The following SYNPO2 variants were observed in gnomAD, a reference collection of about 807,000 sequenced individuals.
The protein encoded by SYNPO2 is synaptopodin 2.
In SYNPO2, 56 loss-of-function variants were observed where a neutral mutation model predicts 85.0. The ratio of observed to expected loss-of-function variants is 0.66; its 90% CI spans 0.53 to 0.82. The LOEUF is 0.82. Among genes scored for constraint, SYNPO2 ranks in the 40% least tolerant of loss-of-function variants. The probability of loss-of-function intolerance (pLI) is 0.00; values close to 1 mark genes in which losing one functional copy is unlikely to be tolerated. For missense variants in SYNPO2, 1,575 were observed against 1,534.2 expected (o/e 1.03, Z -0.44); for synonymous variants, 602 against 591.1 (o/e 1.02, Z -0.27).
chr4:118,964,430 C>T (rs1735229547), intron 1 of SYNPO2, among the ~76,000 whole-genome samples: 1 of 151,532 alleles, frequency 6.6e-6, no homozygotes, highest in African/African-American at 2.4e-5. Context: ...GTAGAGGCTG[C>T]AGTGAGCTGA....
chr4:118,977,572 C>A (rs1254729489), intron 1 of SYNPO2, among the ~76,000 whole-genome samples: 2 of 152,206 alleles, frequency 1.3e-5, no homozygotes, highest in African/African-American at 4.8e-5. Context: ...CGAGAGCAAG[C>A]GAGGGCTCTG....
chr4:118,916,005 ATTGT>A (rs950310373), intron 1 of SYNPO2, among the ~76,000 whole-genome samples: 2 of 152,032 alleles, frequency 1.3e-5, no homozygotes, highest in African/African-American at 4.8e-5. Context: ...TTTACATTAA[ATTGT>A]TTGTGTTATT....
At chr4:118,871,484 A>C (rs1011339918) in intron 1 of SYNPO2, among the ~76,000 whole-genome samples, 1 of 152,046 alleles carries the variant, frequency 6.6e-6, no homozygotes. Context: ...ACCTACCGGA[A>C]TATGTGCTTG....
At chr4:119,033,986 A>G in intron 4 of SYNPO2, 1 of 985,408 alleles carries the variant, frequency 1.0e-6, no homozygotes, top group Non-Finnish European at 1.2e-6. Context: ...TTTTGGTGGA[A>G]ATTTACCTAG....
chr4:118,852,208 G>A (rs114584210), intron 1 of SYNPO2, among the ~76,000 whole-genome samples: 6,267 of 152,200 alleles, frequency 0.041, 199 homozygotes, highest in Non-Finnish European at 0.064. Context: ...TGTTGTTAAA[G>A]AGAAAAAATA....
Position 119,031,295 on chromosome 4 carries a change from C to T in SYNPO2, c.2520C>T (p.Tyr840=), listed in dbSNP as rs1206716103. Residue 840 remains tyrosine (Y), a synonymous_variant, in exon 4 of 5, where the codon TAC becomes TAT. Coordinates refer to ENST00000307142, the MANE Select transcript of SYNPO2 (RefSeq NM_133477.3). ...GPQAAVASQN[Y]TPKPTVSTPT... is the part of the protein sequence containing the mutation. ...AAGCAGCAGTAGCCAGTCAGAATTA[C>T]ACACCCAAACCAACAGTTTCCACAC... 3.1e-6 allele frequency: 5 copies of T among 1,614,194 alleles called. No homozygotes were observed. The highest frequency in any genetic ancestry group is 4.5e-5 in the East Asian group (2 of 44,882).
chr4:118,920,884 CTTTTCT>C (rs1479538000), intron 1 of SYNPO2, among the ~76,000 whole-genome samples: 1 of 151,250 alleles, frequency 6.6e-6, no homozygotes, highest in Non-Finnish European at 1.5e-5. Context: ...CACCTGATTT[CTTTTCT>C]TTTTTCCTTT....
chr4:119,006,183 T>C (rs1372159269), intron 1 of SYNPO2: 1 of 152,846 alleles, frequency 6.5e-6, no homozygotes, highest in African/African-American at 2.4e-5. Flanking sequence ...AACCCTGGCT[T>C]TTCTTATACT....
chr4:118,994,717 A>G (rs1736526646), intron 1 of SYNPO2, among the ~76,000 whole-genome samples: 1 of 152,254 alleles, frequency 6.6e-6, no homozygotes, highest in Non-Finnish European at 1.5e-5. Flanking sequence ...AGCTTGGTAG[A>G]AAGTGGCATG....
In SYNPO2 at chr4:119,027,350, C is replaced by G. The variant is rs752857203; in HGVS notation, c.981C>G (p.Ala327=). 2.5e-6 allele frequency: 4 copies of G among 1,613,802 alleles called. No individual in the cohort carries two copies. Among genetic ancestry groups the G allele is most frequent in the Non-Finnish European group, 3.4e-6 (4 of 1,180,024 alleles). ...CACCTCCTTCTCTGGTATCCTTTGC[C>G]GTCTCATCAGAAGGCACAGAGCAGG... ...SEAPPSLVSF[A]VSSEGTEQGE... The change falls in exon 3 of 5, where the codon GCC becomes GCG. Residue 327 remains alanine, a synonymous_variant. Coordinates refer to ENST00000307142, the MANE Select transcript of SYNPO2 (RefSeq NM_133477.3).
At chr4:118,928,196 C>A (rs1199954780) in intron 1 of SYNPO2, among the ~76,000 whole-genome samples, 3 of 152,132 alleles carry the variant, frequency 2.0e-5, no homozygotes, top group Non-Finnish European at 2.9e-5. Context: ...TCACATGTTG[C>A]CCTTTAAGAA....
intron 1 of SYNPO2, among the ~76,000 whole-genome samples, chr4:118,915,813 T>C (rs1291228709): frequency 6.6e-6 from 1 of 152,216 alleles, no homozygotes; most frequent in East Asian, 1.9e-4. Context: ...AAAGGCATCC[T>C]GCGGCTCTAC....
chr4:118,875,774 A>G (rs766749192), intron 1 of SYNPO2, among the ~76,000 whole-genome samples: 1 of 152,178 alleles, frequency 6.6e-6, no homozygotes, highest in South Asian at 2.1e-4. Context: ...GCATCTTACA[A>G]TGTGTTGGTG....
intron 1 of SYNPO2, among the ~76,000 whole-genome samples, chr4:118,990,936 T>G (rs1179023192): frequency 6.6e-6 from 1 of 151,890 alleles, no homozygotes; most frequent in Non-Finnish European, 1.5e-5. Flanking sequence ...AACCCTCAAA[T>G]GCATTCAGGG....
At chr4:119,033,515 T>G (rs2279505) in intron 4 of SYNPO2, 3 of 985,308 alleles carry the variant, frequency 3.0e-6, no homozygotes, top group Non-Finnish European at 3.6e-6. Context: ...CATGAATTAA[T>G]GTAGAGAACT....
chr4:119,040,547 TAAC>T (rs1738676385), intron 4 of SYNPO2, among the ~76,000 whole-genome samples: 2 of 152,230 alleles, frequency 1.3e-5, no homozygotes, highest in Admixed American at 1.3e-4. Flanking sequence ...TTTTATAAAA[TAAC>T]ATCAGCTTTG....
chr4:118,895,733 C>T (rs1337106761), intron 1 of SYNPO2, among the ~76,000 whole-genome samples: 7 of 152,134 alleles, frequency 4.6e-5, no homozygotes, highest in African/African-American at 1.7e-4. Context: ...CCTTGCCTTG[C>T]CAAATGGGGA....
At chr4:118,851,413 G>C (rs557156591) in intron 1 of SYNPO2, among the ~76,000 whole-genome samples, 4 of 152,174 alleles carry the variant, frequency 2.6e-5, no homozygotes, top group African/African-American at 7.2e-5. Flanking sequence ...CTTGAACCTG[G>C]GAGGCAGAGG....
At chr4:118,898,887 G>C (rs921105005) in intron 1 of SYNPO2, among the ~76,000 whole-genome samples, 3 of 152,172 alleles carry the variant, frequency 2.0e-5, no homozygotes, top group African/African-American at 7.2e-5. Flanking sequence ...CTTCATCCCT[G>C]CTGTGTCCTT....
Sources: allele counts gnomAD v4.1 joint callset (sites outside exome capture counted in the v4.1 genomes callset), GRCh38; gene constraint gnomAD v4.1.1; transcripts MANE v1.5; gene names NCBI Gene and HGNC (gene_info 2026-07-23, HGNC 2026-07-21).